CCDC178: variants seen among roughly 807,000 people sequenced by gnomAD.
CCDC178 encodes the protein coiled-coil domain-containing protein 178.
A neutral mutation model predicts 117.4 loss-of-function variants in CCDC178; 126 were observed. The observed-to-expected ratio is 1.07, with a 90% CI of 0.93 to 1.24. CCDC178 has a LOEUF of 1.24. CCDC178 is among the 50% of genes most tolerant of loss of function. CCDC178 has a pLI of 0.00. For synonymous variants in CCDC178, 283 were observed against 313.4 expected, an observed-to-expected ratio of 0.90 and a Z score of 1.02; for missense variants, 1,030 against 986.9, an observed-to-expected ratio of 1.04 and a Z score of -0.59.
At chr18:33,046,934 ACT>A (rs927674767) in intron 21 of CCDC178, among the ~76,000 whole-genome samples, 2 of 152,150 alleles carry the variant, frequency 1.3e-5, no homozygotes, top group Non-Finnish European at 1.5e-5. Context: ...TATTTGACTG[ACT>A]CTAACAAAAT....
rs562137878 is a variant in CCDC178 at position 33,431,834 on chromosome 18, GT to G, written c.-23+8127del. 1.7e-3 allele frequency among the ~76,000 whole-genome samples: 258 copies of G among 152,326 alleles called. 1 individual carries two copies. Among genetic ancestry groups the G allele is most frequent in the Non-Finnish European group, 2.7e-3 (181 of 68,032 alleles). On this transcript the variant is annotated intron_variant, in intron 2 of 22. Transcript: ENST00000383096. ...TTTTATATCATAACAAGACTTTGTA[GT>G]TTTTTGTCTAAAGGTTTTTGGCCTG...
At chr18:33,112,247 G>C (rs1410269005) in intron 20 of CCDC178, among the ~76,000 whole-genome samples, 1 of 151,772 alleles carries the variant, frequency 6.6e-6, no homozygotes, top group Non-Finnish European at 1.5e-5. Flanking sequence ...GCTCATAATA[G>C]TACAACCACA....
chr18:33,231,459 C>A (rs2059366580), intron 15 of CCDC178, among the ~76,000 whole-genome samples: 1 of 152,194 alleles, frequency 6.6e-6, no homozygotes, highest in South Asian at 2.1e-4. Context: ...GAGAAATTTG[C>A]ATGTAGACTA....
chr18:33,113,508 T>G (rs2057811479), intron 20 of CCDC178, among the ~76,000 whole-genome samples: 1 of 151,928 alleles, frequency 6.6e-6, no homozygotes. Context: ...TAGATGAAAT[T>G]CATTATCTTG....
intron 20 of CCDC178, among the ~76,000 whole-genome samples, chr18:33,101,671 A>C (rs2057629874): frequency 1.3e-5 from 2 of 151,966 alleles, no homozygotes; most frequent in South Asian, 4.1e-4. Context: ...ACAGTTAAGG[A>C]ATTATGAACT....
chr18:33,066,793 A>T (rs2057024168), intron 21 of CCDC178, among the ~76,000 whole-genome samples: 1 of 152,212 alleles, frequency 6.6e-6, no homozygotes, highest in African/African-American at 2.4e-5. Flanking sequence ...CTAATCCATC[A>T]AGAGGATATC....
chr18:33,370,050 C>A lies in CCDC178; in HGVS notation c.348G>T (p.Arg116Ser). 2 of 1,575,812 alleles carry A rather than the reference C, an allele frequency of 1.3e-6. No homozygotes were observed. The highest frequency in any genetic ancestry group is 1.9e-5 in the Admixed American group (1 of 52,466). ...TCAGCATTTTAAATTAGTCTCTTACCCTTTTCAAATGCTCCTGTATTTTGG... is the reference window on the plus strand; with the variant it reads ...TCAGCATTTTAAATTAGTCTCTTACACTTTTCAAATGCTCCTGTATTTTGG... The part of the protein sequence containing the change: ...VESKIQEHLK[R>S]FETSFEEWSR... Residue 116 changes from arginine to serine, a missense_variant and splice_region_variant, in exon 6 of 23, where the codon AGG becomes AGT. Coordinates refer to ENST00000383096, the MANE Select transcript of CCDC178 (RefSeq NM_001105528.4).
chr18:33,264,518 C>A (rs1213814862), intron 14 of CCDC178, among the ~76,000 whole-genome samples: 1 of 151,896 alleles, frequency 6.6e-6, no homozygotes, highest in South Asian at 2.1e-4. Flanking sequence ...TTTTTAATTC[C>A]TGGTAAAAAT....
intron 21 of CCDC178, among the ~76,000 whole-genome samples, chr18:33,055,717 C>A (rs1043299462): frequency 2.0e-5 from 3 of 152,092 alleles, no homozygotes; most frequent in Non-Finnish European, 4.4e-5. Flanking sequence ...GAGGAAGTGA[C>A]ACAATCTTAT....
At chr18:33,079,966 A>G (rs988412077) in intron 21 of CCDC178, among the ~76,000 whole-genome samples, 1 of 152,344 alleles carries the variant, frequency 6.6e-6, no homozygotes, top group Non-Finnish European at 1.5e-5. Context: ...CCATAAAGAC[A>G]TATGTAAGTG....
At chr18:32,940,598 G>T (rs1002147138) in intron 22 of CCDC178, among the ~76,000 whole-genome samples, 7 of 152,000 alleles carry the variant, frequency 4.6e-5, no homozygotes, top group Middle Eastern at 3.4e-3. Flanking sequence ...ATGGGGGTTT[G>T]TTGTACAGAT....
chr18:32,949,599 C>A (rs1264816371), intron 22 of CCDC178, among the ~76,000 whole-genome samples: 5 of 152,024 alleles, frequency 3.3e-5, no homozygotes, highest in African/African-American at 1.2e-4. Flanking sequence ...CTTTTTATAT[C>A]TTCAATGTCT....
chr18:33,129,898 T>C lies in CCDC178; in HGVS notation c.2239-36988A>G, dbSNP rs1046416929. Among the ~76,000 whole-genome samples, 8 of 152,124 alleles carry C rather than the reference T, an allele frequency of 5.3e-5. No individual in the cohort carries two copies. In the South Asian group the frequency reaches 8.3e-4, roughly 16 times the overall value. On this transcript the variant is annotated intron_variant, in intron 20 of 22. Transcript: ENST00000383096. Reference sequence around the variant, plus strand: ...TACTTTGCATTGGAGTCTATTTTCATAGAAAACTTACTGTTTTATATATTT... The same window carrying C: ...TACTTTGCATTGGAGTCTATTTTCACAGAAAACTTACTGTTTTATATATTT...
In CCDC178 at chr18:33,368,210, A is replaced by G. The variant is rs1190968742; in HGVS notation, c.348+1840T>C. On this transcript the variant is annotated intron_variant, in intron 6 of 22. Coordinates refer to ENST00000383096, the MANE Select transcript of CCDC178 (RefSeq NM_001105528.4). ...ACAGTAGAATTTCTATAAAGGGCAA[A>G]ACAATAAATATTTATTAAATGTCTA... Among the ~76,000 whole-genome samples the G allele has an allele frequency of 2.0e-5, 3 of 152,016 alleles. No homozygotes were observed. The East Asian group carries it at 5.8e-4, about 29-fold the overall frequency.
intron 21 of CCDC178, among the ~76,000 whole-genome samples, chr18:33,032,950 T>A (rs996400219): frequency 2.0e-5 from 3 of 152,092 alleles, no homozygotes; most frequent in Admixed American, 6.6e-5. Flanking sequence ...TTTGATCATA[T>A]TGACCTTCCT....
intron 15 of CCDC178, among the ~76,000 whole-genome samples, chr18:33,231,266 G>T (rs1337960611): frequency 6.6e-6 from 1 of 151,934 alleles, no homozygotes; most frequent in Non-Finnish European, 1.5e-5. Context: ...GAAACAAAAG[G>T]ATAAATCCAT....
intron 21 of CCDC178, among the ~76,000 whole-genome samples, chr18:33,066,378 C>T (rs2057016855): frequency 6.6e-6 from 1 of 151,932 alleles, no homozygotes; most frequent in Non-Finnish European, 1.5e-5. Flanking sequence ...AATGTAATCA[C>T]TACAAAACCC....
intron 2 of CCDC178, among the ~76,000 whole-genome samples, chr18:33,413,616 G>T (rs1273505336): frequency 6.6e-6 from 1 of 151,986 alleles, no homozygotes; most frequent in Non-Finnish European, 1.5e-5. Flanking sequence ...AATTAACAAG[G>T]TAATAAGGAA....
intron 11 of CCDC178, among the ~76,000 whole-genome samples, chr18:33,298,961 T>C (rs1686848067): frequency 6.6e-6 from 1 of 151,886 alleles, no homozygotes; most frequent in South Asian, 2.1e-4. Flanking sequence ...AAAACACTAA[T>C]GAAAGAAATT....
Sources: allele counts gnomAD v4.1 joint callset (sites outside exome capture counted in the v4.1 genomes callset), GRCh38; gene constraint gnomAD v4.1.1; transcripts MANE v1.5; gene names NCBI Gene and HGNC (gene_info 2026-07-23, HGNC 2026-07-21).